The following NELL1 variants were observed in gnomAD, a reference collection of about 807,000 sequenced individuals.
NELL1 encodes the protein neural EGFL like 1, also known as protein kinase C-binding protein NELL1.
A neutral mutation model predicts 107.4 loss-of-function variants in NELL1; 76 were observed. The ratio of observed to expected loss-of-function variants is 0.71; its 90% confidence interval spans 0.59 to 0.86. NELL1 has a LOEUF of 0.86. Ranked by LOEUF, NELL1 falls within the 40% of genes least tolerant of loss-of-function variation. The probability of loss-of-function intolerance (pLI) is 0.00; values close to 1 mark genes in which losing one functional copy is unlikely to be tolerated. For missense variants in NELL1, 1,024 were observed against 1,005.5 expected, an observed-to-expected ratio of 1.02 and a Z score of -0.25; for synonymous variants, 353 against 341.2, an observed-to-expected ratio of 1.03 and a Z score of -0.38.
chr11:21,398,138 T>C (rs960100235), intron 15 of NELL1, among the ~76,000 whole-genome samples: 10 of 151,708 alleles, frequency 6.6e-5, no homozygotes, highest in African/African-American at 2.4e-4. Flanking sequence ...AAACCATTTT[T>C]AATTTATGAA....
At chr11:21,465,053 C>T (rs1289071955) in intron 15 of NELL1, among the ~76,000 whole-genome samples, 2 of 151,966 alleles carry the variant, frequency 1.3e-5, no homozygotes, top group African/African-American at 4.8e-5. Flanking sequence ...TACAATGAGG[C>T]TCCCAGTAAA....
chr11:20,841,280 T>A (rs1302148593), intron 3 of NELL1, among the ~76,000 whole-genome samples: 3 of 151,830 alleles, frequency 2.0e-5, no homozygotes, highest in Non-Finnish European at 4.4e-5. Context: ...CTCTCTTAAC[T>A]GTTTTGGCCT....
intron 15 of NELL1, among the ~76,000 whole-genome samples, chr11:21,479,442 AG>A (rs1854432958): frequency 6.6e-6 from 1 of 152,210 alleles, no homozygotes; most frequent in Admixed American, 6.5e-5. Context: ...AGGCACACAA[AG>A]GCAAACTTCT....
chr11:20,774,782 G>A (rs1241694364), intron 2 of NELL1, among the ~76,000 whole-genome samples: 1 of 152,124 alleles, frequency 6.6e-6, no homozygotes, highest in Admixed American at 6.5e-5. Flanking sequence ...TAAGAACATC[G>A]AGAGCATCTC....
chr11:21,504,232 A>G (rs1855225204), intron 15 of NELL1: 1 of 152,212 alleles, frequency 6.6e-6, no homozygotes, highest in Non-Finnish European at 1.5e-5. Flanking sequence ...TTCTGAGTGC[A>G]TTTAACTTTT....
intron 14 of NELL1, among the ~76,000 whole-genome samples, chr11:21,311,312 G>A (rs541244770): frequency 3.3e-5 from 5 of 152,192 alleles, no homozygotes; most frequent in African/African-American, 7.2e-5. Flanking sequence ...TTGTTACTCT[G>A]TACTGATAGG....
chr11:21,494,750 A>T (rs1396620648), intron 15 of NELL1, among the ~76,000 whole-genome samples: 1 of 152,040 alleles, frequency 6.6e-6, no homozygotes, highest in Non-Finnish European at 1.5e-5. Context: ...CATGCAATGT[A>T]ATATTATACA....
chr11:20,952,340 C>T (rs990657761), intron 11 of NELL1, among the ~76,000 whole-genome samples: 3 of 152,140 alleles, frequency 2.0e-5, no homozygotes, highest in Admixed American at 6.6e-5. Flanking sequence ...CTGGCCTGGA[C>T]GGAAATTAGT....
chr11:21,538,135 G>T (rs958259185), intron 16 of NELL1, among the ~76,000 whole-genome samples: 4 of 151,954 alleles, frequency 2.6e-5, no homozygotes, highest in East Asian at 1.9e-4. Context: ...TTTAAAAGTG[G>T]TTTGTAGCAT....
intron 15 of NELL1, among the ~76,000 whole-genome samples, chr11:21,472,553 C>T (rs949598179): frequency 6.6e-6 from 1 of 151,918 alleles, no homozygotes; most frequent in Non-Finnish European, 1.5e-5. Flanking sequence ...CTACTTGTTA[C>T]GTGTCTTGTT....
chr11:21,348,885 C>T (rs981711192), intron 14 of NELL1, among the ~76,000 whole-genome samples: 7 of 152,222 alleles, frequency 4.6e-5, no homozygotes, highest in African/African-American at 1.7e-4. Context: ...ATATGGAAAA[C>T]ATTAAGAGAA....
At chr11:21,189,903 T>C (rs1857014298) in intron 13 of NELL1, among the ~76,000 whole-genome samples, 1 of 151,886 alleles carries the variant, frequency 6.6e-6, no homozygotes, top group South Asian at 2.1e-4. Flanking sequence ...TTTAGCAGTA[T>C]TGAAACTGGA....
chr11:20,728,803 C>G lies in NELL1; in HGVS notation c.184+50743C>G, dbSNP rs111484735. On this transcript the variant is annotated intron_variant, in intron 2 of 19. Transcript: ENST00000357134. Reference sequence around the variant, plus strand: ...TGACTATGGGGCTCTATTTTTGGTTCCATGTGAATTTCATCATAGTTTTTC... The same window carrying G: ...TGACTATGGGGCTCTATTTTTGGTTGCATGTGAATTTCATCATAGTTTTTC... Among the ~76,000 whole-genome samples, 1,048 of 152,028 alleles carry G rather than the reference C, an allele frequency of 6.9e-3. 10 individuals carry two copies. The highest frequency in any genetic ancestry group is 0.024 in the African/African-American group (981 of 41,446).
intron 15 of NELL1, among the ~76,000 whole-genome samples, chr11:21,414,001 T>G (rs1369149960): frequency 6.6e-6 from 1 of 152,114 alleles, no homozygotes; most frequent in Non-Finnish European, 1.5e-5. Context: ...CAGCCCTGCA[T>G]TTAATGACAG....
At chr11:21,061,614 G>C (rs1853743172) in intron 12 of NELL1, among the ~76,000 whole-genome samples, 1 of 152,094 alleles carries the variant, frequency 6.6e-6, no homozygotes, top group Non-Finnish European at 1.5e-5. Flanking sequence ...TTCTTACATT[G>C]CTCAATTTGG....
At chr11:21,519,546 T>TG (rs1855665885) in intron 15 of NELL1, among the ~76,000 whole-genome samples, 1 of 11,974 alleles carries the variant, frequency 8.4e-5, no homozygotes, top group Non-Finnish European at 7.1e-4. Context: ...TTGTTTTTTG[T>TG]TTTTTTTTTT....
At chr11:20,689,403 T>A (rs1055254206) in intron 2 of NELL1, among the ~76,000 whole-genome samples, 11 of 150,852 alleles carry the variant, frequency 7.3e-5, no homozygotes, top group African/African-American at 2.7e-4. Flanking sequence ...TCATTTAGCA[T>A]TAGGCATATC....
intron 9 of NELL1, among the ~76,000 whole-genome samples, chr11:20,933,034 A>G (rs1408155600): frequency 1.3e-5 from 2 of 152,272 alleles, no homozygotes; most frequent in Non-Finnish European, 2.9e-5. Context: ...AATTGCATAC[A>G]CAAAATCATG....
intron 15 of NELL1, among the ~76,000 whole-genome samples, chr11:21,435,439 T>G (rs1309920727): frequency 7.8e-6 from 1 of 127,768 alleles, no homozygotes; most frequent in African/African-American, 3.6e-5. Context: ...TTGTTTTTTG[T>G]TTTTTGTTTT....
Sources: allele counts gnomAD v4.1 joint callset (sites outside exome capture counted in the v4.1 genomes callset), GRCh38; gene constraint gnomAD v4.1.1; transcripts MANE v1.5; gene names NCBI Gene and HGNC (gene_info 2026-07-23, HGNC 2026-07-21).